RALGPS1: variants seen among roughly 807,000 people sequenced by gnomAD.
RALGPS1 encodes ras-specific guanine nucleotide-releasing factor RalGPS1.
RALGPS1 carries 19 observed loss-of-function variants against 78.8 expected under a neutral mutation model. The observed-to-expected ratio is 0.24, with a 90% CI of 0.17 to 0.35. RALGPS1 has a LOEUF of 0.35. Ranked by LOEUF, RALGPS1 falls within the 10% of genes least tolerant of loss-of-function variation. RALGPS1 has a pLI of 1.00. For synonymous variants in RALGPS1, 228 were observed against 256.3 expected (o/e 0.89, Z 1.06); for missense variants, 454 against 688.3 (o/e 0.66, Z 3.81).
chr9:127,163,072 C>G (rs563080472), intron 8 of RALGPS1, among the ~76,000 whole-genome samples: 13 of 152,150 alleles, frequency 8.5e-5, no homozygotes, highest in South Asian at 2.1e-4. Context: ...GCCTTTCCCC[C>G]CATCCTGCTC....
intron 1 of RALGPS1, among the ~76,000 whole-genome samples, chr9:126,955,087 G>A (rs748604507): frequency 9.2e-5 from 14 of 152,304 alleles, no homozygotes; most frequent in African/African-American, 2.2e-4. Context: ...CTTACATATC[G>A]CATCTGTAGA....
chr9:126,930,161 T>C (rs901693026), intron 1 of RALGPS1, among the ~76,000 whole-genome samples: 8 of 151,032 alleles, frequency 5.3e-5, no homozygotes, highest in African/African-American at 1.7e-4. Flanking sequence ...GTTTGTTTAT[T>C]TATTTTATTT....
At chr9:127,108,835 G>C in intron 8 of RALGPS1, 1 of 1,235,416 alleles carries the variant, frequency 8.1e-7, no homozygotes, top group Non-Finnish European at 1.1e-6. Context: ...TCAGTGCCCT[G>C]TGCCATCAGT....
chr9:127,078,192 G>A (rs1292990948), intron 8 of RALGPS1, among the ~76,000 whole-genome samples: 1 of 152,144 alleles, frequency 6.6e-6, no homozygotes, highest in Non-Finnish European at 1.5e-5. Context: ...CAAAATGAAG[G>A]AAACTATTTC....
At chr9:126,959,260 T>C (rs1588652142) in intron 1 of RALGPS1, among the ~76,000 whole-genome samples, 1 of 152,102 alleles carries the variant, frequency 6.6e-6, no homozygotes, top group East Asian at 1.9e-4. Context: ...TGGGGTTTCA[T>C]CATGTTGGCC....
At chr9:127,027,229 C>G (rs2046032683) in intron 4 of RALGPS1, among the ~76,000 whole-genome samples, 1 of 152,178 alleles carries the variant, frequency 6.6e-6, no homozygotes, top group African/African-American at 2.4e-5. Context: ...TAGTTTAGGT[C>G]TATCTTTTAC....
At chr9:127,126,115 C>T (rs2056595804) in intron 8 of RALGPS1, among the ~76,000 whole-genome samples, 1 of 152,000 alleles carries the variant, frequency 6.6e-6, no homozygotes, top group Admixed American at 6.6e-5. Context: ...TTCACACATC[C>T]CAAACTGACT....
intron 3 of RALGPS1, among the ~76,000 whole-genome samples, chr9:126,973,340 A>T (rs1395249636): frequency 1.3e-5 from 2 of 152,196 alleles, no homozygotes; most frequent in Non-Finnish European, 2.9e-5. Flanking sequence ...CACTGCATTC[A>T]AGCCTGGACA....
Position 127,212,005 on chromosome 9 carries a change from G to A in RALGPS1, c.1248-126G>A, listed in dbSNP as rs910503109. The A allele has an allele frequency of 2.4e-5, 17 of 707,404 alleles. No individual in the cohort carries two copies. The highest frequency in any genetic ancestry group is 3.6e-5 in the Non-Finnish European group (16 of 439,810). 43.8% of individuals were successfully genotyped at this position (707,404 alleles called of 1,614,324 possible). Reference sequence around the variant, plus strand: ...CCCTCCCCTCCGGGCCTTGCTCTGCGCCGTTAAGTCTGGACTGCTGGGATG... The same window carrying A: ...CCCTCCCCTCCGGGCCTTGCTCTGCACCGTTAAGTCTGGACTGCTGGGATG... On this transcript the variant is annotated intron_variant, in intron 14 of 18. Transcript: ENST00000259351. The surrounding 1 kb of genome is among the most constrained non-coding windows in gnomAD (Gnocchi z 6.0).
chr9:127,033,696 T>G (rs1320371976), intron 4 of RALGPS1, among the ~76,000 whole-genome samples: 1 of 152,230 alleles, frequency 6.6e-6, no homozygotes, highest in Non-Finnish European at 1.5e-5. Context: ...TTCTCCTTGG[T>G]CCTTTTTTGT....
intron 8 of RALGPS1, among the ~76,000 whole-genome samples, chr9:127,148,098 CT>C (rs2058203471): frequency 6.6e-6 from 1 of 152,236 alleles, no homozygotes; most frequent in African/African-American, 2.4e-5. Context: ...TATAATTATA[CT>C]TTTTTGAGCA....
At chr9:127,021,875 T>C (rs1291829811) in intron 4 of RALGPS1, among the ~76,000 whole-genome samples, 1 of 152,154 alleles carries the variant, frequency 6.6e-6, no homozygotes, top group Non-Finnish European at 1.5e-5. Context: ...TGCAGTTGGC[T>C]GCTGCCCTGC....
intron 11 of RALGPS1, among the ~76,000 whole-genome samples, chr9:127,191,985 C>T (rs914560620): frequency 1.3e-5 from 2 of 152,212 alleles, no homozygotes; most frequent in African/African-American, 4.8e-5. Flanking sequence ...GCGTGAGCCA[C>T]GGCGCCCGGC....
chr9:127,122,493 G>A lies in RALGPS1; in HGVS notation c.611-43576G>A, dbSNP rs2056220304. 1 of 152,514 alleles carries A rather than the reference G, an allele frequency of 6.6e-6. No homozygotes were observed. Among genetic ancestry groups the A allele is most frequent in the South Asian group, 2.1e-4 (1 of 4,838 alleles). 9.4% of individuals were successfully genotyped at this position (152,514 alleles called of 1,614,324 possible). The stretch of plus-strand genomic sequence containing the variant: ...TCCACAGAGGGCTCCGGCAGAGGCT[G>A]GGGCCAGGGCTGGCCAGGGGTCCTG... On this transcript the variant is annotated intron_variant, in intron 8 of 18. Transcript: ENST00000259351. This position sits in a 1 kb window ranked among gnomAD's most constrained non-coding sequence, Gnocchi z 6.4.
chr9:126,951,711 C>A (rs1010635606), intron 1 of RALGPS1, among the ~76,000 whole-genome samples: 1 of 152,194 alleles, frequency 6.6e-6, no homozygotes, highest in Non-Finnish European at 1.5e-5. Flanking sequence ...CAGCCATTGT[C>A]ATACTGAATG....
At chr9:127,141,616 CAAAAAAAAA>C (rs61291398) in intron 8 of RALGPS1, among the ~76,000 whole-genome samples, 3 of 68,660 alleles carry the variant, frequency 4.4e-5, no homozygotes, top group African/African-American at 2.0e-4. Flanking sequence ...TTTTTAATGG[CAAAAAAAAA>C]AAAAAAAAAA....
chr9:127,045,104 T>G (rs2047639195), intron 5 of RALGPS1, among the ~76,000 whole-genome samples: 1 of 152,126 alleles, frequency 6.6e-6, no homozygotes, highest in Admixed American at 6.5e-5. Flanking sequence ...TTTAAGGCAG[T>G]GAAACTATAT....
At chr9:126,989,118 A>T (rs1186892650) in intron 4 of RALGPS1, among the ~76,000 whole-genome samples, 2 of 152,074 alleles carry the variant, frequency 1.3e-5, no homozygotes, top group East Asian at 3.9e-4. Context: ...TCGCTGAAGG[A>T]CCAAAAGTCA....
At position 127,184,071 on chromosome 9, in the gene RALGPS1, A is replaced by G. The variant is rs2060471449; in HGVS notation, c.910+9289A>G. ...CCAGGTGCAGTGGCTCTCACCTGTA[A>G]TCCCAGCACTTTGGGAAGCCGAAGC... On this transcript the variant is annotated intron_variant, in intron 11 of 18. Transcript: ENST00000259351. The G allele has an allele frequency of 3.9e-6, 6 of 1,541,086 alleles. No homozygotes were observed. The African/African-American group carries it at 6.9e-5, about 18-fold the overall frequency.
Sources: gnomAD v4.1 joint callset for allele counts (sites outside exome capture counted in the v4.1 genomes callset) on GRCh38, gnomAD v4.1.1 for gene constraint, Gnocchi (gnomAD v3.1) non-coding constraint, MANE v1.5 for transcripts, NCBI Gene and HGNC (gene_info 2026-07-23, HGNC 2026-07-21) for gene names.